POT1: variants seen among roughly 807,000 people sequenced by gnomAD.
The protein encoded by POT1 is protection of telomeres protein 1.
A neutral mutation model predicts 78.5 loss-of-function variants in POT1; 47 were observed. That is an observed-to-expected ratio of 0.60 (90% confidence interval 0.47 to 0.76). POT1 has a LOEUF of 0.76. Ranked by LOEUF, POT1 falls within the 30% of genes least tolerant of loss-of-function variation. The pLI, the probability that POT1 is intolerant of heterozygous loss-of-function variation, is 0.00. For missense variants in POT1, 646 were observed against 749.9 expected (o/e 0.86, Z 1.62); for synonymous variants, 259 against 260.7 (o/e 0.99, Z 0.06).
At position 124,897,145 on chromosome 7, in the gene POT1, T is replaced by G. The variant is rs2116643046; in HGVS notation, c.9+20A>C. The G allele has an allele frequency of 1.1e-5, 15 of 1,427,056 alleles. No individual in the cohort carries two copies. Among genetic ancestry groups the G allele is most frequent in the Non-Finnish European group, 1.5e-5 (15 of 1,026,626 alleles). The allele number at this position is 1,427,056 out of a possible 1,614,324, so 88.4% of individuals were successfully genotyped here. ...CAGGTATAGGTGTAATACTCTAAAT[T>G]AAACTGAATATCATCTTACCAAAGA... On this transcript the variant is annotated intron_variant, in intron 5 of 18. Coordinates refer to ENST00000357628, the MANE Select transcript of POT1 (RefSeq NM_015450.3).
chr7:124,877,840 C>CAAAA lies in POT1; in HGVS notation c.125-6803_125-6800dup, dbSNP rs201285982. Among the ~76,000 whole-genome samples, 555 of 80,390 alleles carry CAAAA rather than the reference C, an allele frequency of 6.9e-3. 54 individuals are homozygous for CAAAA. Among genetic ancestry groups the CAAAA allele is most frequent in the African/African-American group, 0.021 (497 of 24,104 alleles). 52.7% of individuals were successfully genotyped at this position (80,390 alleles called of 152,430 possible). The stretch of plus-strand genomic sequence containing the variant: ...TGGGCGACAGAGAGAGATTCTGTCT[C>CAAAA]AAAAAAAAAAAAAAAAAAAAAAAAA... On this transcript the variant is annotated intron_variant, in intron 6 of 18. Coordinates refer to ENST00000357628, the MANE Select transcript of POT1 (RefSeq NM_015450.3).
intron 4 of POT1, among the ~76,000 whole-genome samples, chr7:124,897,803 G>C (rs897102188): frequency 3.3e-5 from 5 of 151,868 alleles, no homozygotes; most frequent in African/African-American, 4.8e-5. Flanking sequence ...CTACCTAATA[G>C]CCTTGACTAA....
chr7:124,858,118 GC>G, intron 9 of POT1, among the ~76,000 whole-genome samples: 1 of 152,224 alleles, frequency 6.6e-6, no homozygotes, highest in East Asian at 1.9e-4. Flanking sequence ...TCCAGTTCCT[GC>G]CCGTGAAGGG....
At position 124,844,234 on chromosome 7, in the gene POT1, T is replaced by C. The variant is rs187589265; in HGVS notation, c.1007-1271A>G. 1.9e-3 allele frequency among the ~76,000 whole-genome samples: 285 copies of C among 150,576 alleles called. 3 individuals carry two copies. The highest frequency in any genetic ancestry group is 6.3e-3 in the African/African-American group (262 of 41,276). Reference sequence around the variant, plus strand: ...ACCTCTACCTCCCAGGTTCAAGCGATTCTCCTGCCTCAGCCTCCTAAGTAG... The same window carrying C: ...ACCTCTACCTCCCAGGTTCAAGCGACTCTCCTGCCTCAGCCTCCTAAGTAG... On this transcript the variant is annotated intron_variant, in intron 12 of 18. Coordinates refer to ENST00000357628, the MANE Select transcript of POT1 (RefSeq NM_015450.3).
intron 7 of POT1, among the ~76,000 whole-genome samples, chr7:124,868,909 T>A (rs1023466783): frequency 6.6e-6 from 1 of 151,830 alleles, no homozygotes; most frequent in Non-Finnish European, 1.5e-5. Flanking sequence ...AGAGATGAAA[T>A]CTATGATCAA....
At chr7:124,846,794 TAGA>T in intron 12 of POT1, 145 bp downstream of exon 12, 1 of 537,530 alleles carries the variant, frequency 1.9e-6, no homozygotes, top group South Asian at 3.0e-5. Flanking sequence ...CAAGACACGG[TAGA>T]AGAAGAAAGT....
rs1794526322 is a variant in POT1, at chr7:124,822,428, G to C, written c.*1534C>G. On this transcript the variant is annotated 3_prime_UTR_variant, in exon 19 of 19. Coordinates refer to ENST00000357628, the MANE Select transcript of POT1 (RefSeq NM_015450.3). ...TTTATTTAAAACAAAAATAAGAAGA[G>C]ACATGGCCTATCATCATGAAGATTC... The C allele has an allele frequency of 2.9e-6, 1 of 339,328 alleles. No homozygotes were observed. Among genetic ancestry groups the C allele is most frequent in the Non-Finnish European group, 6.4e-6 (1 of 156,742 alleles). 21.0% of individuals were successfully genotyped at this position (339,328 alleles called of 1,614,324 possible). A position where few individuals can be genotyped will look rare whatever the true frequency, so the allele number is the denominator to read the frequency against.
At chr7:124,927,102 T>A (rs1021780591) in intron 2 of POT1, among the ~76,000 whole-genome samples, 16 of 152,372 alleles carry the variant, frequency 1.1e-4, no homozygotes, top group African/African-American at 3.8e-4. Context: ...AAATTTTGTT[T>A]AAATTATCAA....
chr7:124,875,440 A>G (rs1780935547), intron 6 of POT1, among the ~76,000 whole-genome samples: 1 of 152,216 alleles, frequency 6.6e-6, no homozygotes, highest in Non-Finnish European at 1.5e-5. Context: ...TGCAAGACAT[A>G]AAAGAAGTCT....
chr7:124,830,305 G>A (rs1794729016), intron 15 of POT1, among the ~76,000 whole-genome samples: 1 of 152,086 alleles, frequency 6.6e-6, no homozygotes, highest in South Asian at 2.1e-4. Context: ...TTTATGAGAT[G>A]TTGATAAGAA....
At chr7:124,857,611 T>C (rs1584768840) in intron 9 of POT1, among the ~76,000 whole-genome samples, 2 of 152,178 alleles carry the variant, frequency 1.3e-5, no homozygotes, top group East Asian at 3.9e-4. Flanking sequence ...GAGGGACAGC[T>C]TGATGGTGTA....
chr7:124,861,855 T>C (rs749039606), intron 8 of POT1, among the ~76,000 whole-genome samples: 1 of 152,220 alleles, frequency 6.6e-6, no homozygotes, highest in Non-Finnish European at 1.5e-5. Flanking sequence ...ACTTATTAAA[T>C]AGGGAATCCT....
At chr7:124,850,502 C>T (rs1054807822) in intron 11 of POT1, among the ~76,000 whole-genome samples, 3 of 152,046 alleles carry the variant, frequency 2.0e-5, no homozygotes, top group Non-Finnish European at 4.4e-5. Flanking sequence ...CCGAGGCGGG[C>T]GGATCATGAG....
At chr7:124,875,549 T>C (rs974996620) in intron 6 of POT1, among the ~76,000 whole-genome samples, 2 of 152,180 alleles carry the variant, frequency 1.3e-5, no homozygotes, top group Non-Finnish European at 2.9e-5. Context: ...AGAACACTGA[T>C]GGAGGAAGTC....
chr7:124,908,185 A>G (rs1213747564), intron 3 of POT1, among the ~76,000 whole-genome samples: 2 of 152,070 alleles, frequency 1.3e-5, no homozygotes, highest in Admixed American at 6.6e-5. Flanking sequence ...TTAGGTTACC[A>G]TATTTTAAAA....
chr7:124,848,886 T>C (rs537257475), intron 11 of POT1, among the ~76,000 whole-genome samples: 7 of 152,094 alleles, frequency 4.6e-5, no homozygotes, highest in Non-Finnish European at 1.0e-4. Flanking sequence ...TGAAATTTAA[T>C]AGAATGACCA....
intron 3 of POT1, among the ~76,000 whole-genome samples, chr7:124,899,682 C>T (rs192443862): frequency 1.3e-5 from 2 of 151,986 alleles, no homozygotes; most frequent in East Asian, 3.9e-4. Context: ...CAAACTAACA[C>T]CGGAAGATAA....
intron 3 of POT1, among the ~76,000 whole-genome samples, chr7:124,902,110 T>C (rs1459972164): frequency 6.6e-6 from 1 of 152,130 alleles, no homozygotes; most frequent in Non-Finnish European, 1.5e-5. Context: ...CTCCAGGATA[T>C]TATCCAGGAG....
chr7:124,881,354 CA>C (rs752245415), intron 6 of POT1, among the ~76,000 whole-genome samples: 6 of 151,782 alleles, frequency 4.0e-5, no homozygotes, highest in African/African-American at 7.3e-5. Context: ...CACTGTTGAT[CA>C]AAATGTTATG....
Sources: allele counts gnomAD v4.1 joint callset (sites outside exome capture counted in the v4.1 genomes callset), GRCh38; gene constraint gnomAD v4.1.1; transcripts MANE v1.5; gene names NCBI Gene and HGNC (gene_info 2026-07-23, HGNC 2026-07-21).